DIO3: variants seen among roughly 807,000 people sequenced by gnomAD.
DIO3 encodes iodothyronine deiodinase 3.
DIO3 carries 5 observed loss-of-function variants against 20.4 expected under a neutral mutation model. The ratio of observed to expected loss-of-function variants is 0.25; its 90% CI spans 0.13 to 0.52. The LOEUF (loss-of-function observed/expected upper bound fraction) is 0.52. Ranked by LOEUF, DIO3 falls within the 20% of genes least tolerant of loss-of-function variation. DIO3 has a pLI of 0.97. For synonymous variants in DIO3, 201 were observed against 193.3 expected, an observed-to-expected ratio of 1.04 and a Z score of -0.33; for missense variants, 341 against 438.2, an observed-to-expected ratio of 0.78 and a Z score of 1.98.
chr14:101,561,892 C>G lies in DIO3; in HGVS notation c.396C>G (p.Gly132=). 6.2e-7 allele frequency: 1 copy of G among 1,604,636 alleles called. No homozygotes were observed. The highest frequency in any genetic ancestry group is 8.5e-7 in the Non-Finnish European group (1 of 1,179,138). ...ATTTCTTCAAGCAGGCGCACGAGGG[C>G]GGTCCGGCGCCCAACTCCGAGGTGG... is the stretch of plus-strand genomic sequence containing the variant. The change falls in exon 1 of 1, where the codon GGC becomes GGG. Residue 132 remains glycine (G), a synonymous_variant. Coordinates refer to ENST00000510508, the Ensembl canonical transcript of DIO3. The surrounding 1 kb of genome is among the most constrained non-coding windows in gnomAD (Gnocchi z 8.0).
At position 101,562,340 on chromosome 14, in the gene DIO3, G is replaced by T. The variant is rs1447792164; in HGVS notation, c.844G>T (p.Val282Phe). 1 of 1,613,978 alleles carries T rather than the reference G, an allele frequency of 6.2e-7. No homozygotes were observed. Residue 282 changes from valine (V) to phenylalanine (F), a missense_variant, in exon 1 of 1, where the codon GTC becomes TTC. Val to Phe is a conservative substitution (Grantham distance 50). This residue lies in a region of DIO3 where 138 missense variants were observed against 197.8 expected (regional missense o/e 0.70). Coordinates refer to ENST00000510508, the Ensembl canonical transcript of DIO3. The surrounding 1 kb of genome is among the most constrained non-coding windows in gnomAD (Gnocchi z 8.7). ...CGGCCGTGGCCCCGACGGCTACCAG[G>T]TCTCTGAGCTGCGCACTTGGTTGGA...
chr14:101,561,945 A>G lies in DIO3; in HGVS notation c.449A>G (p.His150Arg). ...CTGCCCGACGGCTTCCAGAGCCAGC[A>G]CATCCTCGACTACGCGCAAGGGAAC... Residue 150 changes from histidine (H) to arginine (R), a missense_variant, in exon 1 of 1, where the codon CAC becomes CGC. His to Arg is a conservative substitution (Grantham distance 29). Around this residue, in one of 3 missense-constraint regions of DIO3, gnomAD observed 198 missense variants for 220.7 expected, o/e 0.90. Transcript: ENST00000510508. This position sits in a 1 kb window ranked among gnomAD's most constrained non-coding sequence, Gnocchi z 8.0. 6.2e-7 allele frequency: 1 copy of G among 1,603,810 alleles called. No homozygotes were observed. Among genetic ancestry groups the G allele is most frequent in the African/African-American group, 1.3e-5 (1 of 75,064 alleles).
In DIO3 at chr14:101,561,717, G is replaced by T. The variant is rs775164049; in HGVS notation, c.221G>T (p.Arg74Leu). ...TGTATCCGCAAGCATTTCCTGGGCC[G>T]CCGCCGCCGGGGGCAGCCCGAGCCC... The change falls in exon 1 of 1, where the codon CGC becomes CTC. Residue 74 changes from arginine (R) to leucine (L), a missense_variant. By Grantham distance (102) the Arg-to-Leu change is moderately radical. This residue lies in a region of DIO3 where 198 missense variants were observed against 220.7 expected (regional missense o/e 0.90). Coordinates refer to ENST00000510508, the Ensembl canonical transcript of DIO3. This position sits in a 1 kb window ranked among gnomAD's most constrained non-coding sequence, Gnocchi z 8.0. 1 of 1,612,404 alleles carries T rather than the reference G, an allele frequency of 6.2e-7. No individual in the cohort carries two copies.
chr14:101,562,431 CTG>C lies in DIO3; in HGVS notation c.*21_*22del, dbSNP rs780252221. Reference sequence around the variant, plus strand: ...GTGTAAACATCCAACGGACAATTGACTGAACTTGGTGGGCTGGGCCTTCGAGC... The same window carrying C: ...GTGTAAACATCCAACGGACAATTGACAACTTGGTGGGCTGGGCCTTCGAGC... On this transcript the variant is annotated 3_prime_UTR_variant, in exon 1 of 1. Coordinates refer to ENST00000510508, the Ensembl canonical transcript of DIO3. The surrounding 1 kb of genome is among the most constrained non-coding windows in gnomAD (Gnocchi z 8.7). 1 of 1,588,046 alleles carries C rather than the reference CTG, an allele frequency of 6.3e-7. No individual in the cohort carries two copies. The highest frequency in any genetic ancestry group is 2.2e-5 in the East Asian group (1 of 44,468).
In DIO3 at chr14:101,563,231, C is replaced by T. The variant is rs1051090668; in HGVS notation, c.*820C>T. 1 of 166,886 alleles carries T rather than the reference C, an allele frequency of 6.0e-6. No homozygotes were observed. Among genetic ancestry groups the T allele is most frequent in the Non-Finnish European group, 1.5e-5 (1 of 68,130 alleles). The allele number at this position is 166,886 out of a possible 1,614,324, so 10.3% of individuals were successfully genotyped here. A position where few individuals can be genotyped will look rare whatever the true frequency, so the allele number is the denominator to read the frequency against. On this transcript the variant is annotated 3_prime_UTR_variant, in exon 1 of 1. Transcript: ENST00000510508. The surrounding 1 kb of genome is among the most constrained non-coding windows in gnomAD (Gnocchi z 8.3). ...CAGGGAGAGAGAAAAAGCTGAGACT[C>T]CTGGGGAATGACGTTGGGGTGATGG...
In DIO3 at chr14:101,562,543, G is replaced by T; in HGVS notation, c.*132G>T. 1.2e-6 allele frequency: 1 copy of T among 827,352 alleles called. No individual in the cohort carries two copies. The highest frequency in any genetic ancestry group is 1.9e-6 in the Non-Finnish European group (1 of 526,910). 51.3% of individuals were successfully genotyped at this position (827,352 alleles called of 1,614,324 possible). A position where few individuals can be genotyped will look rare whatever the true frequency, so the allele number is the denominator to read the frequency against. ...ACTGATGTGCTGAGCCACCATTTCAGACTGAGTCTGCACCCTCAGCCACAT... is the reference window on the plus strand; with the variant it reads ...ACTGATGTGCTGAGCCACCATTTCATACTGAGTCTGCACCCTCAGCCACAT... On this transcript the variant is annotated 3_prime_UTR_variant, in exon 1 of 1. Transcript: ENST00000510508. This position sits in a 1 kb window ranked among gnomAD's most constrained non-coding sequence, Gnocchi z 8.7.
chr14:101,562,435 A>C lies in DIO3; in HGVS notation c.*24A>C, dbSNP rs2034537087. The C allele has an allele frequency of 6.3e-7, 1 of 1,583,080 alleles. No homozygotes were observed. The highest frequency in any genetic ancestry group is 8.6e-7 in the Non-Finnish European group (1 of 1,161,966). Reference sequence around the variant, plus strand: ...AAACATCCAACGGACAATTGACTGAACTTGGTGGGCTGGGCCTTCGAGCCT... The same window carrying C: ...AAACATCCAACGGACAATTGACTGACCTTGGTGGGCTGGGCCTTCGAGCCT... On this transcript the variant is annotated 3_prime_UTR_variant, in exon 1 of 1. Coordinates refer to ENST00000510508, the Ensembl canonical transcript of DIO3. This position sits in a 1 kb window ranked among gnomAD's most constrained non-coding sequence, Gnocchi z 8.7.
Position 101,561,638 on chromosome 14 carries a change from C to T in DIO3, c.142C>T (p.Leu48Phe). Residue 48 changes from leucine to phenylalanine, a missense_variant, in exon 1 of 1, where the codon CTC becomes TTC. Physicochemically the swap from Leu to Phe is conservative, Grantham distance 22 (BLOSUM62 0). Coordinates refer to ENST00000510508, the Ensembl canonical transcript of DIO3. The surrounding 1 kb of genome is among the most constrained non-coding windows in gnomAD (Gnocchi z 8.0). Reference sequence around the variant, plus strand: ...CGCCCAGACCGCCTCGTGCCTCGTGCTCTTCCCGCGCTTCCTCGGCACGGC... The same window carrying T: ...CGCCCAGACCGCCTCGTGCCTCGTGTTCTTCCCGCGCTTCCTCGGCACGGC... The T allele has an allele frequency of 6.2e-7, 1 of 1,613,556 alleles. No homozygotes were observed. Among genetic ancestry groups the T allele is most frequent in the Non-Finnish European group, 8.5e-7 (1 of 1,179,958 alleles).
rs769940477 is a variant in DIO3 at position 101,562,380 on chromosome 14, A to G, written c.884A>G (p.Gln295Arg). 6.2e-7 allele frequency: 1 copy of G among 1,613,440 alleles called. No homozygotes were observed. Among genetic ancestry groups the G allele is most frequent in the Admixed American group, 1.7e-5 (1 of 60,014 alleles). ...ACTTGGTTGGAACGCTATGATGAGCAACTGCACGGCGCTCGGCCCCGGAGG... is the reference window on the plus strand; with the variant it reads ...ACTTGGTTGGAACGCTATGATGAGCGACTGCACGGCGCTCGGCCCCGGAGG... The change falls in exon 1 of 1, where the codon CAA becomes CGA. Residue 295 changes from glutamine to arginine, a missense_variant. By Grantham distance (43) the Gln-to-Arg change is conservative. Transcript: ENST00000510508. The surrounding 1 kb of genome is among the most constrained non-coding windows in gnomAD (Gnocchi z 8.7).
Position 101,562,556 on chromosome 14 carries a change from C to A in DIO3, c.*145C>A. 1.4e-6 allele frequency: 1 copy of A among 736,894 alleles called. No homozygotes were observed. Among genetic ancestry groups the A allele is most frequent in the Non-Finnish European group, 2.2e-6 (1 of 447,384 alleles). 45.6% of individuals were successfully genotyped at this position (736,894 alleles called of 1,614,324 possible). On this transcript the variant is annotated 3_prime_UTR_variant, in exon 1 of 1. Transcript: ENST00000510508. This position sits in a 1 kb window ranked among gnomAD's most constrained non-coding sequence, Gnocchi z 8.7. The stretch of plus-strand genomic sequence containing the variant: ...GCCACCATTTCAGACTGAGTCTGCA[C>A]CCTCAGCCACATGAACAATCTCCCC...
chr14:101,562,133 C>T lies in DIO3; in HGVS notation c.637C>T (p.Pro213Ser). ...CGACGGCTGGGTCACCACGGACTCT[C>T]CCTACATCATCCCACAGCACCGGAG... The change falls in exon 1 of 1, where the codon CCC becomes TCC. Residue 213 changes from proline to serine, a missense_variant. By Grantham distance (74) the Pro-to-Ser change is moderately conservative (BLOSUM62 -1). Around this residue, in one of 3 missense-constraint regions of DIO3, gnomAD observed 138 missense variants for 197.8 expected, o/e 0.70. Transcript: ENST00000510508. The surrounding 1 kb of genome is among the most constrained non-coding windows in gnomAD (Gnocchi z 8.7). 1 of 1,613,114 alleles carries T rather than the reference C, an allele frequency of 6.2e-7. No homozygotes were observed. The highest frequency in any genetic ancestry group is 8.5e-7 in the Non-Finnish European group (1 of 1,180,040).
At position 101,561,824 on chromosome 14, in the gene DIO3, A is replaced by G; in HGVS notation, c.328A>G (p.Thr110Ala). 6.2e-7 allele frequency: 1 copy of G among 1,610,272 alleles called. No individual in the cohort carries two copies. The highest frequency in any genetic ancestry group is 8.5e-7 in the Non-Finnish European group (1 of 1,179,820). Residue 110 changes from threonine (T) to alanine (A), a missense_variant, in exon 1 of 1, where the codon ACC becomes GCC. Coordinates refer to ENST00000510508, the Ensembl canonical transcript of DIO3. The surrounding 1 kb of genome is among the most constrained non-coding windows in gnomAD (Gnocchi z 8.0). The stretch of plus-strand genomic sequence containing the variant: ...CGTGTCCGACGACAACCGCCTGTGC[A>G]CCCTGGCGTCGCTCAAGGCGGTGTG...
rs376110354 is a variant in DIO3 at position 101,562,448 on chromosome 14, G to A, written c.*37G>A. 1.9e-6 allele frequency: 3 copies of A among 1,567,876 alleles called. No homozygotes were observed. In the African/African-American group the frequency reaches 4.1e-5, roughly 21 times the overall value. On this transcript the variant is annotated 3_prime_UTR_variant, in exon 1 of 1. Transcript: ENST00000510508. This position sits in a 1 kb window ranked among gnomAD's most constrained non-coding sequence, Gnocchi z 8.7. ...ACAATTGACTGAACTTGGTGGGCTGGGCCTTCGAGCCTTCGAAGCCCACGT... is the reference window on the plus strand; with the variant it reads ...ACAATTGACTGAACTTGGTGGGCTGAGCCTTCGAGCCTTCGAAGCCCACGT...
chr14:101,562,125 C>T lies in DIO3; in HGVS notation c.629C>T (p.Thr210Met), dbSNP rs780924497. The T allele has an allele frequency of 1.9e-6, 3 of 1,613,088 alleles. No homozygotes were observed. The highest frequency in any genetic ancestry group is 1.3e-5 in the African/African-American group (1 of 75,076). ...CACCCCTCCGACGGCTGGGTCACCA[C>T]GGACTCTCCCTACATCATCCCACAG... The change falls in exon 1 of 1, where the codon ACG becomes ATG. Residue 210 changes from threonine to methionine, a missense_variant. Physicochemically the swap from Thr to Met is moderately conservative, Grantham distance 81 (BLOSUM62 -1). This residue lies in a region of DIO3 where 138 missense variants were observed against 197.8 expected (regional missense o/e 0.70). Coordinates refer to ENST00000510508, the Ensembl canonical transcript of DIO3. The surrounding 1 kb of genome is among the most constrained non-coding windows in gnomAD (Gnocchi z 8.7).
In DIO3 at chr14:101,562,086, A is replaced by G. The variant is rs765315931; in HGVS notation, c.590A>G (p.Tyr197Cys). The G allele has an allele frequency of 8.1e-6, 13 of 1,612,064 alleles. No homozygotes were observed. The highest frequency in any genetic ancestry group is 1.1e-5 in the Non-Finnish European group (13 of 1,180,028). Residue 197 changes from tyrosine to cysteine, a missense_variant, in exon 1 of 1, where the codon TAC becomes TGC. Tyr to Cys is a radical substitution (Grantham distance 194). This residue lies in a region of DIO3 where 138 missense variants were observed against 197.8 expected (regional missense o/e 0.70). Coordinates refer to ENST00000510508, the Ensembl canonical transcript of DIO3. This position sits in a 1 kb window ranked among gnomAD's most constrained non-coding sequence, Gnocchi z 8.7. Reference sequence around the variant, plus strand: ...CGCGACGTCGACTTCCTCATCATCTACATCGAGGAAGCGCACCCCTCCGAC... The same window carrying G: ...CGCGACGTCGACTTCCTCATCATCTGCATCGAGGAAGCGCACCCCTCCGAC...
In DIO3 at chr14:101,561,922, G is replaced by C; in HGVS notation, c.426G>C (p.Leu142=). ...CGGCGCCCAACTCCGAGGTGGTTCT[G>C]CCCGACGGCTTCCAGAGCCAGCACA... The change falls in exon 1 of 1, where the codon CTG becomes CTC. Residue 142 remains leucine (L), a synonymous_variant. Transcript: ENST00000510508. The surrounding 1 kb of genome is among the most constrained non-coding windows in gnomAD (Gnocchi z 8.0). 1 of 1,604,600 alleles carries C rather than the reference G, an allele frequency of 6.2e-7. No individual in the cohort carries two copies. The highest frequency in any genetic ancestry group is 1.1e-5 in the South Asian group (1 of 91,082).
Position 101,561,985 on chromosome 14 carries a change from C to T in DIO3, c.489C>T (p.Leu163=). 1 of 1,602,886 alleles carries T rather than the reference C, an allele frequency of 6.2e-7. No individual in the cohort carries two copies. Among genetic ancestry groups the T allele is most frequent in the East Asian group, 2.2e-5 (1 of 44,880 alleles). The change falls in exon 1 of 1, where the codon CTC becomes CTT. Residue 163 remains leucine (L), a synonymous_variant. Coordinates refer to ENST00000510508, the Ensembl canonical transcript of DIO3. This position sits in a 1 kb window ranked among gnomAD's most constrained non-coding sequence, Gnocchi z 8.0. Reference sequence around the variant, plus strand: ...CGCAAGGGAACCGCCCGCTGGTTCTCAATTTCGGCAGCTGCACCTGACCAC... The same window carrying T: ...CGCAAGGGAACCGCCCGCTGGTTCTTAATTTCGGCAGCTGCACCTGACCAC...
chr14:101,563,433 AG>A lies in DIO3; in HGVS notation c.*1024del, dbSNP rs1403410494. 6.0e-6 allele frequency: 1 copy of A among 166,730 alleles called. No individual in the cohort carries two copies. Among genetic ancestry groups the A allele is most frequent in the Non-Finnish European group, 1.5e-5 (1 of 68,122 alleles). 10.3% of individuals were successfully genotyped at this position (166,730 alleles called of 1,614,324 possible). On this transcript the variant is annotated 3_prime_UTR_variant, in exon 1 of 1. Transcript: ENST00000510508. The surrounding 1 kb of genome is among the most constrained non-coding windows in gnomAD (Gnocchi z 8.3). The stretch of plus-strand genomic sequence containing the variant: ...AACTTCTTTCAATCTACAATAATAA[AG>A]GCTTGAGGTAAACTGCTTTCTGGTT...
In DIO3 at chr14:101,562,020, C is replaced by T. The variant is rs752252810; in HGVS notation, c.524C>T (p.Ala175Val). 1.2e-6 allele frequency: 2 copies of T among 1,604,464 alleles called. No homozygotes were observed. The highest frequency in any genetic ancestry group is 1.1e-5 in the South Asian group (1 of 91,092). ...AGCTGCACCTGACCACCGTTCATGGCGCGCATGAGCGCCTTCCAGCGCCTG... is the reference window on the plus strand; with the variant it reads ...AGCTGCACCTGACCACCGTTCATGGTGCGCATGAGCGCCTTCCAGCGCCTG... The change falls in exon 1 of 1, where the codon GCG (alanine) becomes GTG (valine). Residue 175 changes from alanine (A) to valine (V), a missense_variant. By Grantham distance (64) the Ala-to-Val change is moderately conservative. Around this residue, in one of 3 missense-constraint regions of DIO3, gnomAD observed 138 missense variants for 197.8 expected, o/e 0.70. Coordinates refer to ENST00000510508, the Ensembl canonical transcript of DIO3. The surrounding 1 kb of genome is among the most constrained non-coding windows in gnomAD (Gnocchi z 8.7).
Sources: gnomAD v4.1 joint callset for allele counts on GRCh38, gnomAD v4.1.1 for gene constraint, gnomAD v4.1.1 regional missense constraint, Gnocchi (gnomAD v3.1) non-coding constraint, MANE v1.5 for transcripts, NCBI Gene and HGNC (gene_info 2026-07-23, HGNC 2026-07-21) for gene names.